Variants in AFF2 observed in about 807,000 individuals in gnomAD.
The protein encoded by AFF2 is AF4/FMR2 family member 2.
Under a neutral mutation model 76.9 loss-of-function variants are expected in AFF2, and 14 were observed. The observed-to-expected ratio is 0.18, with a 90% CI of 0.12 to 0.28. AFF2 has a LOEUF of 0.28. AFF2 is among the 10% of genes least tolerant of loss of function. The pLI, the probability that AFF2 is intolerant of heterozygous loss-of-function variation, is 1.00. For missense variants in AFF2, 868 were observed against 1,001.1 expected (o/e 0.87, Z 1.79); for synonymous variants, 398 against 366.7 (o/e 1.09, Z -0.98).
At chrX:148,737,205 G>A (rs973879895) in intron 3 of AFF2, among the ~76,000 whole-genome samples, 2 of 111,388 alleles carry the variant, frequency 1.8e-5, no homozygotes, top group South Asian at 7.6e-4. Flanking sequence ...ATTGCTTTCG[G>A]CAGTATGCTC....
chrX:148,822,737 G>T (rs782671447), intron 4 of AFF2, among the ~76,000 whole-genome samples: 10 of 108,978 alleles, frequency 9.2e-5, no homozygotes, highest in Non-Finnish European at 1.7e-4. Flanking sequence ...GTGTGTGTGT[G>T]TGGCTGATAG....
At chrX:148,918,600 A>G (rs894964949) in intron 9 of AFF2, among the ~76,000 whole-genome samples, 1 of 111,944 alleles carries the variant, frequency 8.9e-6, no homozygotes, top group Non-Finnish European at 1.9e-5. Flanking sequence ...AAATTCGGAA[A>G]TATACCCCAG....
At chrX:148,585,514 A>T (rs782069155) in intron 1 of AFF2, among the ~76,000 whole-genome samples, 1 of 111,820 alleles carries the variant, frequency 8.9e-6, no homozygotes, top group South Asian at 3.7e-4. Flanking sequence ...ATGCAAAAGC[A>T]TGAGGGCAAG....
intron 3 of AFF2, among the ~76,000 whole-genome samples, chrX:148,665,675 A>G (rs782766498): frequency 9.0e-6 from 1 of 111,699 alleles, no homozygotes; most frequent in Non-Finnish European, 1.9e-5. Context: ...AATGGAATTT[A>G]TGTGGCTAAA....
In AFF2 at chrX:148,798,025, T is replaced by C. The variant is rs190382955; in HGVS notation, c.1042-11851T>C. 2.7e-5 allele frequency among the ~76,000 whole-genome samples: 3 copies of C among 112,346 alleles called. No homozygotes were observed. The East Asian group carries it at 8.4e-4, about 31-fold the overall frequency. The stretch of plus-strand genomic sequence containing the variant: ...ATACCTGAGACTGGGTAATTTATAA[T>C]GAACAGAAATTTATTGGCTCACAGT... On this transcript the variant is annotated intron_variant, in intron 3 of 20. Transcript: ENST00000370460.
At chrX:148,688,946 T>G (rs2054625335) in intron 3 of AFF2, among the ~76,000 whole-genome samples, 1 of 112,402 alleles carries the variant, frequency 8.9e-6, no homozygotes, top group Non-Finnish European at 1.9e-5. Context: ...GGTTGGTTGT[T>G]GACTGAAATG....
chrX:148,720,019 C>T (rs1400436737), intron 3 of AFF2, among the ~76,000 whole-genome samples: 2 of 111,128 alleles, frequency 1.8e-5, no homozygotes, highest in African/African-American at 6.5e-5. Context: ...TCCATTCCCC[C>T]AACTCTACTC....
At chrX:148,642,330 C>T (rs782812517) in intron 1 of AFF2, among the ~76,000 whole-genome samples, 4 of 112,325 alleles carry the variant, frequency 3.6e-5, no homozygotes, top group Non-Finnish European at 7.5e-5. Context: ...TCCTTAAGGG[C>T]ATTAATTTCC....
At chrX:148,669,889 A>G (rs1270825787) in intron 3 of AFF2, among the ~76,000 whole-genome samples, 2 of 111,851 alleles carry the variant, frequency 1.8e-5, no homozygotes, top group African/African-American at 6.5e-5. Flanking sequence ...AGGGTGCCAG[A>G]AAAGACTCTT....
chrX:148,793,759 T>C (rs934234931), intron 3 of AFF2, among the ~76,000 whole-genome samples: 23 of 111,916 alleles, frequency 2.1e-4, no homozygotes, highest in African/African-American at 7.5e-4. Context: ...TTATGTGACC[T>C]TGGGCAAATC....
intron 11 of AFF2, among the ~76,000 whole-genome samples, chrX:148,958,120 G>A (rs1257159531): frequency 2.7e-5 from 3 of 112,029 alleles, no homozygotes; most frequent in Non-Finnish European, 5.6e-5. Flanking sequence ...AGATCACACA[G>A]TTGTACTCTC....
chrX:148,547,927 T>C (rs1189847726), intron 1 of AFF2, among the ~76,000 whole-genome samples: 1 of 111,614 alleles, frequency 9.0e-6, no homozygotes, highest in Non-Finnish European at 1.9e-5. Flanking sequence ...AAGAAGAGGG[T>C]CACTTTTTCC....
intron 3 of AFF2, among the ~76,000 whole-genome samples, chrX:148,759,411 A>G (rs1313699493): frequency 8.9e-6 from 1 of 112,506 alleles, no homozygotes; most frequent in South Asian, 3.6e-4. Flanking sequence ...TGAAATAAAC[A>G]TGTTTATACC....
At chrX:148,587,935 C>T (rs2053484503) in intron 1 of AFF2, among the ~76,000 whole-genome samples, 1 of 112,604 alleles carries the variant, frequency 8.9e-6, no homozygotes, top group African/African-American at 3.2e-5. Flanking sequence ...TGTAGGTTTG[C>T]TGATAGCATT....
At chrX:148,636,821 C>T (rs2054036535) in intron 1 of AFF2, among the ~76,000 whole-genome samples, 1 of 110,186 alleles carries the variant, frequency 9.1e-6, no homozygotes, top group Non-Finnish European at 1.9e-5. Context: ...AAAAAAAAAC[C>T]AGACATAAAA....
chrX:148,991,387 A>G lies in AFF2; in HGVS notation c.*55A>G. Reference sequence around the variant, plus strand: ...CCCATCACTCTACCTCTACCAGCGCACTGATGGTCACTGGTGGAACTCCAC... The same window carrying G: ...CCCATCACTCTACCTCTACCAGCGCGCTGATGGTCACTGGTGGAACTCCAC... On this transcript the variant is annotated 3_prime_UTR_variant, in exon 21 of 21. Coordinates refer to ENST00000370460, the MANE Select transcript of AFF2 (RefSeq NM_002025.4). The G allele has an allele frequency of 9.1e-7, 1 of 1,100,958 alleles. No individual in the cohort carries two copies. Among genetic ancestry groups the G allele is most frequent in the Admixed American group, 2.6e-5 (1 of 38,040 alleles). The allele number at this position is 1,100,958 out of a possible 1,213,427, so 90.7% of individuals were successfully genotyped here. A position where few individuals can be genotyped will look rare whatever the true frequency, so the allele number is the denominator to read the frequency against.
chrX:148,917,468 T>A (rs1557282734), intron 9 of AFF2, among the ~76,000 whole-genome samples: 1 of 112,737 alleles, frequency 8.9e-6, no homozygotes, highest in Non-Finnish European at 1.9e-5. Flanking sequence ...ATCTTGATCC[T>A]CAGAAATCTG....
intron 3 of AFF2, among the ~76,000 whole-genome samples, chrX:148,736,822 A>T (rs2055290529): frequency 9.0e-6 from 1 of 111,680 alleles, no homozygotes; most frequent in Non-Finnish European, 1.9e-5. Context: ...CAGTTTCATT[A>T]TCCTACATAT....
chrX:148,680,071 T>G (rs1040856645), intron 3 of AFF2, among the ~76,000 whole-genome samples: 1 of 112,275 alleles, frequency 8.9e-6, no homozygotes, highest in Non-Finnish European at 1.9e-5. Context: ...CATTAAAAAG[T>G]ACACAAGCAA....
Sources: gnomAD v4.1 joint callset for allele counts (sites outside exome capture counted in the v4.1 genomes callset) on GRCh38, gnomAD v4.1.1 for gene constraint, MANE v1.5 for transcripts, NCBI Gene and HGNC (gene_info 2026-07-23, HGNC 2026-07-21) for gene names.